Variants in AGO3 observed in about 807,000 individuals in gnomAD.
AGO3 encodes argonaute RISC catalytic component 3.
In AGO3, 16 loss-of-function variants were observed where a neutral mutation model predicts 105.5. The observed-to-expected ratio is 0.15, with a 90% confidence interval of 0.10 to 0.23. The LOEUF is 0.23. AGO3 is among the 10% of genes least tolerant of loss of function. The pLI is 1.00. For missense variants in AGO3, 534 were observed against 1,088.0 expected, an observed-to-expected ratio of 0.49 and a Z score of 7.16; for synonymous variants, 340 against 367.3, an observed-to-expected ratio of 0.93 and a Z score of 0.85.
At chr1:36,017,029 G>A (rs933972542) in intron 11 of AGO3, among the ~76,000 whole-genome samples, 8 of 152,152 alleles carry the variant, frequency 5.3e-5, no homozygotes, top group Admixed American at 3.3e-4. Flanking sequence ...CTGTTACCAA[G>A]ATTTTGGGTT....
intron 11 of AGO3, among the ~76,000 whole-genome samples, chr1:36,022,512 T>A (rs938005433): frequency 8.5e-5 from 13 of 152,300 alleles, no homozygotes; most frequent in African/African-American, 2.9e-4. Context: ...TAGGCATAGC[T>A]GTAAGGTAGA....
At position 35,968,213 on chromosome 1, in the gene AGO3, A is replaced by T. The variant is rs575676436; in HGVS notation, c.312+1138A>T. 6.6e-5 allele frequency among the ~76,000 whole-genome samples: 10 copies of T among 152,274 alleles called. No individual in the cohort carries two copies. The East Asian group carries it at 1.7e-3, about 26-fold the overall frequency. ...TCTGCCAGTTTTCTCCTATTGGGGT[A>T]TTCTTTTCCTCCTTGTAGTTAATAA... is the stretch of plus-strand genomic sequence containing the variant. On this transcript the variant is annotated intron_variant, in intron 3 of 18. Transcript: ENST00000373191.
chr1:36,005,476 C>T (rs949952307), intron 6 of AGO3, among the ~76,000 whole-genome samples: 1 of 152,152 alleles, frequency 6.6e-6, no homozygotes, highest in Non-Finnish European at 1.5e-5. Context: ...TATTTAAATG[C>T]CAAAGTAAGA....
intron 14 of AGO3, among the ~76,000 whole-genome samples, chr1:36,038,861 G>A (rs1247306611): frequency 3.3e-5 from 5 of 152,062 alleles, no homozygotes; most frequent in Admixed American, 3.3e-4. Context: ...AGGCCAAGAG[G>A]GAAAATTCTG....
intron 5 of AGO3, among the ~76,000 whole-genome samples, chr1:35,994,437 C>T (rs914036704): frequency 6.6e-6 from 1 of 152,192 alleles, no homozygotes; most frequent in South Asian, 2.1e-4. Flanking sequence ...CATCATACTT[C>T]TGTGGTGAAA....
chr1:35,945,198 C>G lies in AGO3; in HGVS notation c.20-494C>G, dbSNP rs545121517. ...ATTACATATTGCTTCTTATTTTACTCTTTTCTTTTCTTTTCTTTTTTTTTT... is the reference window on the plus strand; with the variant it reads ...ATTACATATTGCTTCTTATTTTACTGTTTTCTTTTCTTTTCTTTTTTTTTT... On this transcript the variant is annotated intron_variant, in intron 1 of 18. Transcript: ENST00000373191. Among the ~76,000 whole-genome samples, 20 of 136,204 alleles carry G rather than the reference C, an allele frequency of 1.5e-4. No homozygotes were observed. The South Asian group carries it at 3.5e-3, about 24-fold the overall frequency. 89.4% of individuals were successfully genotyped at this position (136,204 alleles called of 152,430 possible).
chr1:35,931,385 C>T lies in AGO3; in HGVS notation c.-42C>T. ...CGGGCCGCCTCCTTGCCGCCAGTGG[C>T]GGGCTCCGTTCTCCCTCGAAGCACT... On this transcript the variant is annotated 5_prime_UTR_variant, in exon 1 of 19. Coordinates refer to ENST00000373191, the MANE Select transcript of AGO3 (RefSeq NM_024852.4). The T allele has an allele frequency of 1.4e-6, 2 of 1,394,558 alleles. No homozygotes were observed. The highest frequency in any genetic ancestry group is 1.7e-5 in the South Asian group (1 of 59,956). The allele number at this position is 1,394,558 out of a possible 1,614,324, so 86.4% of individuals were successfully genotyped here.
At chr1:35,948,457 G>T (rs1006177526) in intron 2 of AGO3, among the ~76,000 whole-genome samples, 3 of 150,408 alleles carry the variant, frequency 2.0e-5, no homozygotes, top group Admixed American at 6.6e-5. Flanking sequence ...TGACCTTGTG[G>T]TCCCCCCCCG....
intron 5 of AGO3, chr1:35,992,191 A>T (rs1647730909): frequency 6.6e-6 from 1 of 152,188 alleles, no homozygotes; most frequent in South Asian, 2.1e-4. Flanking sequence ...TCAGCATTTA[A>T]TATGTTAAAG....
At position 36,066,160 on chromosome 1, in the gene AGO3, T is replaced by C. The variant is rs1377328131; in HGVS notation, c.*10415T>C. 1.3e-5 allele frequency: 2 copies of C among 152,240 alleles called. No homozygotes were observed. Among genetic ancestry groups the C allele is most frequent in the Admixed American group, 1.3e-4 (2 of 15,286 alleles). The allele number at this position is 152,240 out of a possible 1,614,324, so 9.4% of individuals were successfully genotyped here. A position where few individuals can be genotyped will look rare whatever the true frequency, so the allele number is the denominator to read the frequency against. On this transcript the variant is annotated 3_prime_UTR_variant, in exon 19 of 19. Coordinates refer to ENST00000373191, the MANE Select transcript of AGO3 (RefSeq NM_024852.4). ...CATTAGAGCCTTGCTTTTTAAATTT[T>C]ATTCTTTCCAAAAATTGGCGGTATG...
chr1:36,025,193 C>T lies in AGO3; in HGVS notation c.1407-1921C>T, dbSNP rs140384751. On this transcript the variant is annotated intron_variant, in intron 11 of 18. Transcript: ENST00000373191. Reference sequence around the variant, plus strand: ...ATTTCAGAATTTGCCTTGCCTTCTTCATGGCAAGAAGAAATTAGAATATGA... The same window carrying T: ...ATTTCAGAATTTGCCTTGCCTTCTTTATGGCAAGAAGAAATTAGAATATGA... Among the ~76,000 whole-genome samples the T allele has an allele frequency of 1.2e-3, 187 of 152,268 alleles. 1 individual carries two copies. Among genetic ancestry groups the T allele is most frequent in the African/African-American group, 4.5e-3 (186 of 41,558 alleles).
chr1:36,006,180 A>G (rs1004307496), intron 6 of AGO3, among the ~76,000 whole-genome samples: 1 of 151,596 alleles, frequency 6.6e-6, no homozygotes, highest in African/African-American at 2.4e-5. Context: ...AGAGAATAAG[A>G]GTTTTGTGTT....
intron 5 of AGO3, among the ~76,000 whole-genome samples, chr1:36,000,006 G>A (rs1640008220): frequency 6.6e-6 from 1 of 151,560 alleles, no homozygotes; most frequent in Non-Finnish European, 1.5e-5. Flanking sequence ...TTCTCGTCCT[G>A]GTACAATAAG....
intron 6 of AGO3, among the ~76,000 whole-genome samples, chr1:36,007,646 A>G (rs1266096582): frequency 6.6e-6 from 1 of 152,094 alleles, no homozygotes; most frequent in African/African-American, 2.4e-5. Context: ...CAGTGAGCCA[A>G]GATTGCATCA....
chr1:35,942,158 G>A (rs577380219), intron 1 of AGO3, among the ~76,000 whole-genome samples: 9 of 152,190 alleles, frequency 5.9e-5, no homozygotes, highest in East Asian at 5.8e-4. Context: ...AAAACACAAA[G>A]CGGAATTTAA....
rs1437556233 is a variant in AGO3, at chr1:36,070,217, G to T, written c.*14472G>T. ...ATTTTTGGTACCTTTCTTTGAAGAA[G>T]AGGGTTAGATTTTAAGAAAGAAAGT... On this transcript the variant is annotated 3_prime_UTR_variant, in exon 19 of 19. Transcript: ENST00000373191. 1 of 152,194 alleles carries T rather than the reference G, an allele frequency of 6.6e-6. No individual in the cohort carries two copies. The highest frequency in any genetic ancestry group is 2.4e-5 in the African/African-American group (1 of 41,440). The allele number at this position is 152,194 out of a possible 1,614,324, so 9.4% of individuals were successfully genotyped here.
intron 1 of AGO3, among the ~76,000 whole-genome samples, chr1:35,937,545 G>A (rs1423810538): frequency 6.7e-6 from 1 of 149,216 alleles, no homozygotes; most frequent in Non-Finnish European, 1.5e-5. Flanking sequence ...ACAAAAATTA[G>A]CTGGGCATGG....
chr1:35,931,391 C>A lies in AGO3; in HGVS notation c.-36C>A. The stretch of plus-strand genomic sequence containing the variant: ...GCCTCCTTGCCGCCAGTGGCGGGCT[C>A]CGTTCTCCCTCGAAGCACTCCCCCC... On this transcript the variant is annotated 5_prime_UTR_variant, in exon 1 of 19. Coordinates refer to ENST00000373191, the MANE Select transcript of AGO3 (RefSeq NM_024852.4). The A allele has an allele frequency of 7.1e-7, 1 of 1,408,038 alleles. No homozygotes were observed. Among genetic ancestry groups the A allele is most frequent in the South Asian group, 1.6e-5 (1 of 61,842 alleles). 87.2% of individuals were successfully genotyped at this position (1,408,038 alleles called of 1,614,324 possible).
In AGO3 at chr1:35,973,505, AT is replaced by A; in HGVS notation, c.653del (p.Ile218ThrfsTer14). On this transcript the variant is annotated frameshift_variant, in exon 5 of 19. Coordinates refer to ENST00000373191, the MANE Select transcript of AGO3 (RefSeq NM_024852.4). LOFTEE classifies it high-confidence loss of function. ...TGCCATGTGGAAAATGATGCTTAATATCGATGGTAAGGGAACTAAAGCCATA... is the reference window on the plus strand; with the variant it reads ...TGCCATGTGGAAAATGATGCTTAATACGATGGTAAGGGAACTAAAGCCATA... ...RPAMWKMMLNIDVSATAFYKA... is the reference protein window; with the variant it reads ...RPAMWKMMLNXDVSATAFYKA... The A allele has an allele frequency of 6.3e-7, 1 of 1,577,438 alleles. No homozygotes were observed. Among genetic ancestry groups the A allele is most frequent in the Non-Finnish European group, 8.6e-7 (1 of 1,157,612 alleles).
Sources: gnomAD v4.1 joint callset for allele counts (sites outside exome capture counted in the v4.1 genomes callset) on GRCh38, gnomAD v4.1.1 for gene constraint, MANE v1.5 for transcripts, NCBI Gene and HGNC (gene_info 2026-07-23, HGNC 2026-07-21) for gene names.